PSPC1: variants seen among roughly 807,000 people sequenced by gnomAD.
PSPC1 encodes the protein paraspeckle component 1, also known as paraspeckle protein 1.
Under a neutral mutation model 51.6 loss-of-function variants are expected in PSPC1, and 14 were observed. The ratio of observed to expected loss-of-function variants is 0.27; its 90% CI spans 0.18 to 0.42. The LOEUF is 0.42. Among genes scored for constraint, PSPC1 ranks in the 10% least tolerant of loss-of-function variants. PSPC1 has a pLI of 1.00. For missense variants in PSPC1, 406 were observed against 701.1 expected (o/e 0.58, Z 4.75); for synonymous variants, 193 against 231.9 (o/e 0.83, Z 1.53).
intron 7 of PSPC1, among the ~76,000 whole-genome samples, chr13:19,709,035 A>G (rs547914094): frequency 1.4e-3 from 218 of 151,688 alleles, no homozygotes; most frequent in African/African-American, 4.2e-3. Flanking sequence ...GTGGTGGCAC[A>G]TGCCTGTAGT....
At chr13:19,781,718 A>G (rs1028472431) in intron 1 of PSPC1, among the ~76,000 whole-genome samples, 21 of 152,262 alleles carry the variant, frequency 1.4e-4, no homozygotes, top group African/African-American at 4.8e-4. Flanking sequence ...AGGCAGGAGG[A>G]TCGCTCGTGC....
At chr13:19,699,907 ACTCTGAACAC>A (rs1280958691), downstream of PSPC1, among the ~76,000 whole-genome samples, 1 of 151,928 alleles carries the variant, frequency 6.6e-6, no homozygotes, top group Non-Finnish European at 1.5e-5. Flanking sequence ...TTGTAACAAA[ACTCTGAACAC>A]CTACAGAAAA....
chr13:19,694,788 T>G (rs1309051846), intron 6 of PSPC1, among the ~76,000 whole-genome samples: 1 of 152,230 alleles, frequency 6.6e-6, no homozygotes, highest in Non-Finnish European at 1.5e-5. Flanking sequence ...GGCCGCTTAC[T>G]TCAGCACAAC....
At chr13:19,721,658 A>G (rs907269204) in intron 6 of PSPC1, among the ~76,000 whole-genome samples, 5 of 152,198 alleles carry the variant, frequency 3.3e-5, no homozygotes, top group African/African-American at 1.2e-4. Context: ...CTCAGCACCT[A>G]AAGTCCTCTA....
chr13:19,761,331 G>C (rs934030902), intron 2 of PSPC1, among the ~76,000 whole-genome samples: 1 of 152,108 alleles, frequency 6.6e-6, no homozygotes. Flanking sequence ...GAGAGTTCAT[G>C]GAGGGGAAGA....
At chr13:19,753,852 C>T (rs1383463787) in intron 3 of PSPC1, among the ~76,000 whole-genome samples, 2 of 151,866 alleles carry the variant, frequency 1.3e-5, no homozygotes, top group Admixed American at 1.3e-4. Context: ...GGATTTTTTT[C>T]TTTTTAAAGC....
In PSPC1 at chr13:19,782,639, G is replaced by A. The variant is rs770325955; in HGVS notation, c.119C>T (p.Ala40Val). Residue 40 changes from alanine to valine, a missense_variant, in exon 1 of 9, where the codon GCT becomes GTT. Physicochemically the swap from Ala to Val is moderately conservative, Grantham distance 64. This residue lies in a region of PSPC1 where 128 missense variants were observed against 107.1 expected (regional missense o/e 1.20). Coordinates refer to ENST00000338910, the MANE Select transcript of PSPC1 (RefSeq NM_001354909.2). This position sits in a 1 kb window ranked among gnomAD's most constrained non-coding sequence, Gnocchi z 4.5. Reference sequence around the variant, plus strand: ...GGGCGGTGCCGGCTCCCCGGCAAGAGCGAGCGCCATGGCTGCCGCGGCCGC... The same window carrying A: ...GGGCGGTGCCGGCTCCCCGGCAAGAACGAGCGCCATGGCTGCCGCGGCCGC... ...EPAAAAAMAL[A>V]LAGEPAPPAP... 8.3e-6 allele frequency: 13 copies of A among 1,567,106 alleles called. No individual in the cohort carries two copies. The highest frequency in any genetic ancestry group is 9.5e-6 in the Non-Finnish European group (11 of 1,163,192).
At chr13:19,756,034 C>G (rs1304835209) in intron 3 of PSPC1, among the ~76,000 whole-genome samples, 2 of 151,972 alleles carry the variant, frequency 1.3e-5, no homozygotes, top group African/African-American at 4.8e-5. Context: ...GTCAGGAGTT[C>G]GAGTCCAGCC....
intron 6 of PSPC1, among the ~76,000 whole-genome samples, chr13:19,725,046 G>A (rs758892532): frequency 5.9e-5 from 9 of 151,930 alleles, no homozygotes; most frequent in Admixed American, 2.6e-4. Flanking sequence ...TCGTGGTGGC[G>A]CGTGCCTGTA....
intron 5 of PSPC1, among the ~76,000 whole-genome samples, chr13:19,736,114 C>A (rs918285030): frequency 2.6e-5 from 4 of 151,870 alleles, no homozygotes. Flanking sequence ...GCCACCGCGC[C>A]CGGCCAAAAA....
chr13:19,700,008 A>G (rs1276633738), downstream of PSPC1, among the ~76,000 whole-genome samples: 6 of 152,010 alleles, frequency 3.9e-5, no homozygotes, highest in African/African-American at 1.4e-4. Flanking sequence ...CACTAATACC[A>G]TCTGACACTA....
At chr13:19,696,218 A>T (rs1353203733) in intron 6 of PSPC1, among the ~76,000 whole-genome samples, 1 of 152,206 alleles carries the variant, frequency 6.6e-6, no homozygotes, top group East Asian at 1.9e-4. Flanking sequence ...AGAGTCAGAG[A>T]GTCCCCAGGT....
chr13:19,715,363 C>T (rs1881971828), intron 6 of PSPC1, among the ~76,000 whole-genome samples: 1 of 152,136 alleles, frequency 6.6e-6, no homozygotes, highest in Non-Finnish European at 1.5e-5. Context: ...GCATGGTAAA[C>T]ATGCCACTAC....
At chr13:19,743,357 A>G (rs1885626544) in intron 4 of PSPC1, among the ~76,000 whole-genome samples, 1 of 152,204 alleles carries the variant, frequency 6.6e-6, no homozygotes, top group Non-Finnish European at 1.5e-5. Flanking sequence ...TACTACAGCT[A>G]AAGTTAATCT....
intron 8 of PSPC1, among the ~76,000 whole-genome samples, 165 bp downstream of exon 8, chr13:19,705,493 CAAAA>C (rs397797926): frequency 7.7e-6 from 1 of 129,218 alleles, no homozygotes; most frequent in Non-Finnish European, 1.7e-5. Context: ...CTCTCTGTCT[CAAAA>C]AAAAAAAAAA....
chr13:19,693,632 T>C (rs1423958637), intron 6 of PSPC1, among the ~76,000 whole-genome samples: 3 of 152,170 alleles, frequency 2.0e-5, no homozygotes, highest in Non-Finnish European at 4.4e-5. Flanking sequence ...TTAAAACATA[T>C]GCTTAAAAAT....
intron 3 of PSPC1, among the ~76,000 whole-genome samples, chr13:19,753,755 CAA>C (rs1445393985): frequency 6.6e-6 from 1 of 151,954 alleles, no homozygotes; most frequent in Non-Finnish European, 1.5e-5. Context: ...GATGTAATAA[CAA>C]GAGAGGGAAA....
In PSPC1 at chr13:19,728,439, AACACAC is replaced by A. The variant is rs56662113; in HGVS notation, c.1158+1794_1158+1799del. Reference sequence around the variant, plus strand: ...TAAGAGGGCCTAATTTCAAAGCTTAAACACACACACACACACACACACACACACACA... The same window carrying A: ...TAAGAGGGCCTAATTTCAAAGCTTAAACACACACACACACACACACACACA... On this transcript the variant is annotated intron_variant, in intron 6 of 8. Coordinates refer to ENST00000338910, the MANE Select transcript of PSPC1 (RefSeq NM_001354909.2). 9.3e-3 allele frequency among the ~76,000 whole-genome samples: 1,346 copies of A among 144,410 alleles called. 18 individuals carry two copies. Among genetic ancestry groups the A allele is most frequent in the African/African-American group, 0.026 (963 of 36,868 alleles). 94.7% of individuals were successfully genotyped at this position (144,410 alleles called of 152,430 possible).
At chr13:19,768,047 A>T (rs142111491) in intron 2 of PSPC1, among the ~76,000 whole-genome samples, 1 of 151,698 alleles carries the variant, frequency 6.6e-6, no homozygotes. Context: ...GCAAGACCTC[A>T]TATCTACTTT....
Sources: allele counts gnomAD v4.1 joint callset (sites outside exome capture counted in the v4.1 genomes callset), GRCh38; gene constraint gnomAD v4.1.1; regional missense constraint gnomAD v4.1.1; non-coding constraint Gnocchi (gnomAD v3.1); transcripts MANE v1.5; gene names NCBI Gene and HGNC (gene_info 2026-07-23, HGNC 2026-07-21).